PRCP: variants seen among roughly 807,000 people sequenced by gnomAD.
PRCP encodes prolylcarboxypeptidase, also known as lysosomal Pro-X carboxypeptidase.
Under a neutral mutation model 54.2 loss-of-function variants are expected in PRCP, and 46 were observed. That is an observed-to-expected ratio of 0.85 (90% CI 0.67 to 1.09). The LOEUF is 1.09. Among genes scored for constraint, PRCP ranks in the 50% least tolerant of loss-of-function variants. PRCP has a pLI of 0.00. For missense variants in PRCP, 613 were observed against 596.8 expected (o/e 1.03, Z -0.28); for synonymous variants, 240 against 212.2 (o/e 1.13, Z -1.14).
intron 8 of PRCP, among the ~76,000 whole-genome samples, chr11:82,837,423 C>T (rs1453174373): frequency 2.6e-5 from 4 of 152,186 alleles, no homozygotes; most frequent in African/African-American, 9.7e-5. Context: ...ACTTTAACAA[C>T]TGTCAGAGAA....
At position 82,898,549 on chromosome 11, in the gene PRCP, A is replaced by T. The variant is rs182311346; in HGVS notation, c.168+1686T>A. On this transcript the variant is annotated intron_variant, in intron 1 of 8. Transcript: ENST00000313010. ...TTGTATATAAAATCCCAGCATATAA[A>T]ACAGGTAAAAGCTGAAAGAGATCCA... Among the ~76,000 whole-genome samples, 400 of 152,296 alleles carry T rather than the reference A, an allele frequency of 2.6e-3. 4 individuals carry two copies. Among genetic ancestry groups the T allele is most frequent in the African/African-American group, 9.3e-3 (387 of 41,560 alleles).
At chr11:82,852,412 A>G (rs1419449082) in intron 3 of PRCP, among the ~76,000 whole-genome samples, 1 of 152,196 alleles carries the variant, frequency 6.6e-6, no homozygotes, top group Non-Finnish European at 1.5e-5. Context: ...GTATACACTG[A>G]TGGTATTAGG....
At chr11:82,850,958 G>A (rs1041339272) in intron 3 of PRCP, among the ~76,000 whole-genome samples, 3 of 151,606 alleles carry the variant, frequency 2.0e-5, no homozygotes, top group Admixed American at 6.6e-5. Flanking sequence ...ATATGACCTC[G>A]GCCATATCAA....
intron 1 of PRCP, among the ~76,000 whole-genome samples, chr11:82,868,071 G>A (rs1207007825): frequency 6.6e-6 from 1 of 152,018 alleles, no homozygotes; most frequent in African/African-American, 2.4e-5. Flanking sequence ...TTAAAGTCAG[G>A]ATTCAAAATC....
intron 1 of PRCP, among the ~76,000 whole-genome samples, chr11:82,898,918 G>A (rs1268440006): frequency 6.6e-6 from 1 of 152,134 alleles, no homozygotes; most frequent in African/African-American, 2.4e-5. Flanking sequence ...GCCAAGACAG[G>A]GGCATCGCTT....
intron 8 of PRCP, chr11:82,831,387 G>A (rs1030241775): frequency 6.6e-5 from 10 of 152,158 alleles, no homozygotes; most frequent in African/African-American, 1.9e-4. Flanking sequence ...GATTGGGCAC[G>A]GGACTCCACA....
chr11:82,891,332 A>T (rs1048266527), intron 1 of PRCP, among the ~76,000 whole-genome samples: 3 of 152,118 alleles, frequency 2.0e-5, no homozygotes, highest in African/African-American at 7.2e-5. Context: ...CCACTACCAC[A>T]CTAATCCAAG....
In PRCP at chr11:82,839,672, C is replaced by A. The variant is rs1365751531; in HGVS notation, c.922-247G>T. The A allele has an allele frequency of 6.7e-6, 3 of 447,396 alleles. No individual in the cohort carries two copies. The East Asian group carries it at 1.4e-4, about 21-fold the overall frequency. The allele number at this position is 447,396 out of a possible 1,614,324, so 27.7% of individuals were successfully genotyped here. On this transcript the variant is annotated intron_variant, in intron 6 of 8. Coordinates refer to ENST00000313010, the MANE Select transcript of PRCP (RefSeq NM_005040.4). ...GGTATGCAAAGTCCTCTCCATCTAC[C>A]ATCTTAGCTTCCTCTTTGCTGCCTT...
chr11:82,849,690 G>C (rs1207337052), intron 5 of PRCP, among the ~76,000 whole-genome samples: 7 of 152,210 alleles, frequency 4.6e-5, no homozygotes, highest in Admixed American at 2.6e-4. Context: ...GGAGATTTCT[G>C]AGATGCTGAC....
intron 7 of PRCP, among the ~76,000 whole-genome samples, 177 bp downstream of exon 7, chr11:82,839,084 A>C (rs536278334): frequency 1.3e-5 from 2 of 152,376 alleles, no homozygotes; most frequent in South Asian, 4.1e-4. Flanking sequence ...TTTGGTGATT[A>C]TTAAATGAAC....
At chr11:82,850,630 G>T in intron 3 of PRCP, 125 bp from the exon 4 acceptor site, 3 of 636,886 alleles carry the variant, frequency 4.7e-6, no homozygotes, top group Non-Finnish European at 7.0e-6. Context: ...CTAGGCAATT[G>T]AGCTAAAATG....
intron 6 of PRCP, among the ~76,000 whole-genome samples, chr11:82,848,613 C>T (rs1296011635): frequency 3.3e-5 from 5 of 152,138 alleles, no homozygotes; most frequent in Admixed American, 1.3e-4. Flanking sequence ...ACAATGCTTT[C>T]GCAGCTGACT....
intron 1 of PRCP, among the ~76,000 whole-genome samples, chr11:82,886,954 G>T (rs867334152): frequency 6.6e-6 from 1 of 152,164 alleles, no homozygotes; most frequent in African/African-American, 2.4e-5. Flanking sequence ...GTATGTAAAT[G>T]GAAATAATGA....
At position 82,863,593 on chromosome 11, in the gene PRCP, C is replaced by G. The variant is rs560370705; in HGVS notation, c.169-3476G>C. On this transcript the variant is annotated intron_variant, in intron 1 of 8. Coordinates refer to ENST00000313010, the MANE Select transcript of PRCP (RefSeq NM_005040.4). ...CTACAGAACTGAGTCTTCATGTAAA[C>G]TGAGATATTGCCGTAGCCTTTAAAA... Among the ~76,000 whole-genome samples the G allele has an allele frequency of 2.6e-5, 4 of 152,280 alleles. No individual in the cohort carries two copies. In the East Asian group the frequency reaches 7.7e-4, roughly 29 times the overall value.
At position 82,825,006 on chromosome 11, in the gene PRCP, G is replaced by T. The variant is rs778720067; in HGVS notation, c.1391C>A (p.Ala464Asp). Residue 464 changes from alanine (A) to aspartate (D), a missense_variant, in exon 9 of 9, where the codon GCC becomes GAC. Transcript: ENST00000313010. ...AHHLDLRTKN[A>D]LDPMSVLLAR... ...TAACAGCACAGACATAGGATCCAAG[G>T]CATTCTTGGTGCGGAGATCTAAGTG... The T allele has an allele frequency of 6.2e-7, 1 of 1,614,102 alleles. No individual in the cohort carries two copies. The highest frequency in any genetic ancestry group is 8.5e-7 in the Non-Finnish European group (1 of 1,179,998).
chr11:82,874,164 T>G (rs920001966), intron 1 of PRCP, among the ~76,000 whole-genome samples: 2 of 152,220 alleles, frequency 1.3e-5, no homozygotes, highest in African/African-American at 4.8e-5. Context: ...TGGCTTCCTT[T>G]GATTACTTTC....
chr11:82,868,589 G>C (rs1250047060), intron 1 of PRCP, among the ~76,000 whole-genome samples: 3 of 106,912 alleles, frequency 2.8e-5, no homozygotes, highest in Non-Finnish European at 5.7e-5. Flanking sequence ...GAAACACAGA[G>C]AAGAATTTTT....
intron 6 of PRCP, among the ~76,000 whole-genome samples, chr11:82,841,773 A>T (rs921868182): frequency 6.6e-6 from 1 of 152,220 alleles, no homozygotes; most frequent in East Asian, 1.9e-4. Flanking sequence ...AGTCAAAAAA[A>T]TACCTAACAT....
At position 82,861,568 on chromosome 11, in the gene PRCP, G is replaced by GA. The variant is rs139616613; in HGVS notation, c.169-1452dup. Reference sequence around the variant, plus strand: ...TGTATCTCCTCATGTGGCACAACATGAAGCACATATCACCTATGACGTATT... The same window carrying GA: ...TGTATCTCCTCATGTGGCACAACATGAAAGCACATATCACCTATGACGTATT... On this transcript the variant is annotated intron_variant, in intron 1 of 8. Coordinates refer to ENST00000313010, the MANE Select transcript of PRCP (RefSeq NM_005040.4). 3.3e-3 allele frequency among the ~76,000 whole-genome samples: 498 copies of GA among 152,160 alleles called. 1 individual carries two copies. The highest frequency in any genetic ancestry group is 0.011 in the African/African-American group (469 of 41,516).
Sources: allele counts gnomAD v4.1 joint callset (sites outside exome capture counted in the v4.1 genomes callset), GRCh38; gene constraint gnomAD v4.1.1; transcripts MANE v1.5; gene names NCBI Gene and HGNC (gene_info 2026-07-23, HGNC 2026-07-21).